MTCL1: variants seen among roughly 807,000 people sequenced by gnomAD.
The protein encoded by MTCL1 is microtubule cross-linking factor 1.
MTCL1 carries 79 observed loss-of-function variants against 141.4 expected under a neutral mutation model. That is an observed-to-expected ratio of 0.56 (90% CI 0.47 to 0.67). The LOEUF (loss-of-function observed/expected upper bound fraction) is 0.67, where lower values mean the gene tolerates loss of function less well. Among genes scored for constraint, MTCL1 ranks in the 30% least tolerant of loss-of-function variants. The pLI, the probability that MTCL1 is intolerant of heterozygous loss-of-function variation, is 0.00. For missense variants in MTCL1, 2,177 were observed against 2,113.9 expected, an observed-to-expected ratio of 1.03 and a Z score of -0.59; for synonymous variants, 914 against 875.8, an observed-to-expected ratio of 1.04 and a Z score of -0.77.
exon 2 of MTCL1, chr18:8,717,926 T>C (rs967425642): frequency 1.3e-5 from 13 of 996,966 alleles, no homozygotes; most frequent in African/African-American, 1.7e-5. Flanking sequence ...AATGCTGAGA[T>C]GCGTCTTGTG....
In MTCL1 at chr18:8,765,870, A is replaced by G. The variant is rs141623523; in HGVS notation, c.358-11963A>G. Among the ~76,000 whole-genome samples, 3 of 152,334 alleles carry G rather than the reference A, an allele frequency of 2.0e-5. No individual in the cohort carries two copies. The East Asian group carries it at 5.8e-4, about 29-fold the overall frequency. The stretch of plus-strand genomic sequence containing the variant: ...AAAGAAGGAAGCAGGCAGAGCTTCC[A>G]GCAAACAGAGCTCCCTGACTGGGCC... On this transcript the variant is annotated intron_variant, in intron 4 of 16. Coordinates refer to ENST00000359865, the Ensembl canonical transcript of MTCL1.
At chr18:8,732,460 T>C (rs577521148) in intron 4 of MTCL1, among the ~76,000 whole-genome samples, 5 of 152,036 alleles carry the variant, frequency 3.3e-5, no homozygotes, top group African/African-American at 7.2e-5. Context: ...GTCAGAGAAA[T>C]AGAAATGCTT....
intron 8 of MTCL1, 100 bp from the exon 8 acceptor site, chr18:8,796,132 A>G: frequency 1.7e-6 from 2 of 1,163,062 alleles, no homozygotes; most frequent in African/African-American, 1.5e-5. Flanking sequence ...CATATGCAGC[A>G]TGACAGAGAC....
chr18:8,714,347 A>T (rs777451625), upstream of MTCL1, among the ~76,000 whole-genome samples: 4 of 152,160 alleles, frequency 2.6e-5, no homozygotes, highest in Non-Finnish European at 4.4e-5. Flanking sequence ...GTGCTTAATA[A>T]ACGACGCCTG....
intron 4 of MTCL1, among the ~76,000 whole-genome samples, chr18:8,760,740 C>G (rs1424131902): frequency 1.3e-5 from 2 of 151,966 alleles, no homozygotes; most frequent in Non-Finnish European, 2.9e-5. Flanking sequence ...TTACATAAAG[C>G]AAAGATAAGC....
At chr18:8,762,683 G>A (rs1211997833) in intron 4 of MTCL1, among the ~76,000 whole-genome samples, 1 of 152,228 alleles carries the variant, frequency 6.6e-6, no homozygotes, top group Non-Finnish European at 1.5e-5. Flanking sequence ...GGCAACAGGA[G>A]TGATCACACT....
intron 4 of MTCL1, among the ~76,000 whole-genome samples, chr18:8,733,508 C>T (rs527241712): frequency 2.0e-5 from 3 of 152,204 alleles, no homozygotes; most frequent in African/African-American, 4.8e-5. Flanking sequence ...TGGGTTCAAG[C>T]GATTCTCCTG....
intron 4 of MTCL1, among the ~76,000 whole-genome samples, chr18:8,756,907 C>T (rs1020094096): frequency 1.3e-5 from 2 of 152,200 alleles, no homozygotes; most frequent in African/African-American, 2.4e-5. Context: ...CTGTCGTTGT[C>T]TAAGGCCCCA....
intron 4 of MTCL1, among the ~76,000 whole-genome samples, chr18:8,769,726 T>C (rs1376737324): frequency 6.6e-6 from 1 of 152,214 alleles, no homozygotes; most frequent in African/African-American, 2.4e-5. Flanking sequence ...CTCTTTGACT[T>C]GGATGCTGGG....
chr18:8,780,603 T>G (rs748546417), intron 5 of MTCL1, among the ~76,000 whole-genome samples: 9 of 152,362 alleles, frequency 5.9e-5, no homozygotes, highest in Non-Finnish European at 8.8e-5. Flanking sequence ...ACAATGGGGC[T>G]GAGGGCACTC....
intron 4 of MTCL1, among the ~76,000 whole-genome samples, chr18:8,775,638 CTTA>C (rs1050955264): frequency 6.6e-6 from 1 of 152,076 alleles, no homozygotes; most frequent in Admixed American, 6.5e-5. Flanking sequence ...GGGGAACTTC[CTTA>C]TTAAGGGTGG....
At chr18:8,749,772 G>T (rs2096361063) in intron 4 of MTCL1, among the ~76,000 whole-genome samples, 1 of 152,154 alleles carries the variant, frequency 6.6e-6, no homozygotes, top group Non-Finnish European at 1.5e-5. Context: ...CAGACATGGG[G>T]GCCTATTCTT....
In MTCL1 at chr18:8,806,332, C is replaced by G. The variant is rs2076295481; in HGVS notation, c.2437-561C>G. ...AACCACCAATCGGAGTCTGATTACC[C>G]TATGTGCATAGGAGTCCTCGGTCTT... On this transcript the variant is annotated intron_variant, in intron 10 of 16. Coordinates refer to ENST00000359865, the Ensembl canonical transcript of MTCL1. 2.0e-5 allele frequency among the ~76,000 whole-genome samples: 3 copies of G among 152,160 alleles called. No individual in the cohort carries two copies. The South Asian group carries it at 6.2e-4, about 32-fold the overall frequency.
intron 11 of MTCL1, 33 bp downstream of exon 10, chr18:8,807,093 C>G (rs1229067121): frequency 6.3e-7 from 1 of 1,591,256 alleles, no homozygotes; most frequent in African/African-American, 1.3e-5. Context: ...TCGATCCTGA[C>G]TGTGTGTCTC....
At chr18:8,814,352 A>C (rs1415177835) in intron 12 of MTCL1, among the ~76,000 whole-genome samples, 3 of 152,176 alleles carry the variant, frequency 2.0e-5, no homozygotes, top group Non-Finnish European at 4.4e-5. Flanking sequence ...CCAAAAAACA[A>C]AAGAAGGAAA....
chr18:8,736,190 A>G (rs2096273771), intron 4 of MTCL1, among the ~76,000 whole-genome samples: 1 of 152,186 alleles, frequency 6.6e-6, no homozygotes, highest in East Asian at 1.9e-4. Flanking sequence ...TGCCAATTAC[A>G]TGATGACATG....
chr18:8,762,620 T>G (rs2096438167), intron 4 of MTCL1, among the ~76,000 whole-genome samples: 1 of 152,236 alleles, frequency 6.6e-6, no homozygotes, highest in Non-Finnish European at 1.5e-5. Flanking sequence ...TGATGATGAC[T>G]TCGTGGCTTC....
At chr18:8,827,927 T>G (rs1229229779) in intron 15 of MTCL1, among the ~76,000 whole-genome samples, 1 of 152,212 alleles carries the variant, frequency 6.6e-6, no homozygotes, top group Non-Finnish European at 1.5e-5. Flanking sequence ...AGATTTTCTC[T>G]TCACTTGGTG....
exon 8 of MTCL1, chr18:8,793,089 A>T (rs142244493): frequency 6.2e-7 from 1 of 1,614,038 alleles, no homozygotes; most frequent in African/African-American, 1.3e-5. Flanking sequence ...CATCAAGAGG[A>T]GACAGAGACA....
Sources: gnomAD v4.1 joint callset for allele counts (sites outside exome capture counted in the v4.1 genomes callset) on GRCh38, gnomAD v4.1.1 for gene constraint, MANE v1.5 for transcripts, NCBI Gene and HGNC (gene_info 2026-07-23, HGNC 2026-07-21) for gene names.